The following CCKAR variants were observed in gnomAD, a reference collection of about 807,000 sequenced individuals.
CCKAR encodes cholecystokinin receptor type A.
In CCKAR, 21 loss-of-function variants were observed where a neutral mutation model predicts 29.8. The ratio of observed to expected loss-of-function variants is 0.70; its 90% CI spans 0.50 to 1.01. The LOEUF (loss-of-function observed/expected upper bound fraction) is 1.01. CCKAR is among the 50% of genes least tolerant of loss of function. The pLI is 0.00. For synonymous variants in CCKAR, 238 were observed against 221.3 expected, an observed-to-expected ratio of 1.08 and a Z score of -0.67; for missense variants, 570 against 560.6, an observed-to-expected ratio of 1.02 and a Z score of -0.17.
At chr4:26,488,888 T>C (rs1355272048) in intron 2 of CCKAR, among the ~76,000 whole-genome samples, 3 of 152,180 alleles carry the variant, frequency 2.0e-5, no homozygotes, top group East Asian at 3.9e-4. Flanking sequence ...CAGAAAGGGA[T>C]AGAGCAGCTT....
chr4:26,489,286 A>G lies in CCKAR; in HGVS notation c.311T>C (p.Leu104Pro). Reference sequence around the variant, plus strand: ...GGCGCTCCCGAAGATGAAATCCTTGAGCAGATTGGGGATGAGGTTGAACGG... The same window carrying G: ...GGCGCTCCCGAAGATGAAATCCTTGGGCAGATTGGGGATGAGGTTGAACGG... ...CMPFNLIPNL[L>P]KDFIFGSAVC... is the part of the protein sequence containing the mutation. Residue 104 changes from leucine (L) to proline (P), a missense_variant, in exon 2 of 5, where the codon CTC (leucine) becomes CCC (proline). Physicochemically the swap from Leu to Pro is moderately conservative, Grantham distance 98. Transcript: ENST00000295589. 6.2e-7 allele frequency: 1 copy of G among 1,614,154 alleles called. No homozygotes were observed. Among genetic ancestry groups the G allele is most frequent in the African/African-American group, 1.3e-5 (1 of 75,038 alleles).
Position 26,485,827 on chromosome 4 carries a change from G to A in CCKAR, c.436C>T (p.Pro146Ser). ...SLERYGAICKPLQSRVWQTKS... is the reference protein window; with the variant it reads ...SLERYGAICKSLQSRVWQTKS... ...GTCTGCCAGACCCGGGACTGTAAGGGTTTGCAAATCGCACCATATCTCTCT... is the reference window on the plus strand; with the variant it reads ...GTCTGCCAGACCCGGGACTGTAAGGATTTGCAAATCGCACCATATCTCTCT... The change falls in exon 3 of 5, where the codon CCC becomes TCC. Residue 146 changes from proline to serine, a missense_variant. Physicochemically the swap from Pro to Ser is moderately conservative, Grantham distance 74. Transcript: ENST00000295589. 1 of 1,613,932 alleles carries A rather than the reference G, an allele frequency of 6.2e-7. No homozygotes were observed. The highest frequency in any genetic ancestry group is 8.5e-7 in the Non-Finnish European group (1 of 1,179,908).
intron 3 of CCKAR, among the ~76,000 whole-genome samples, chr4:26,484,963 G>A (rs544411163): frequency 3.3e-5 from 5 of 151,620 alleles, no homozygotes; most frequent in South Asian, 4.2e-4. Context: ...AGGTCGAGGC[G>A]GGTGGATAAC....
At position 26,489,232 on chromosome 4, in the gene CCKAR, C is replaced by G; in HGVS notation, c.364+1G>C. The G allele has an allele frequency of 6.2e-7, 1 of 1,613,930 alleles. No homozygotes were observed. Among genetic ancestry groups the G allele is most frequent in the Non-Finnish European group, 8.5e-7 (1 of 1,179,888 alleles). On this transcript the variant is annotated splice_donor_variant, in intron 2 of 4. Coordinates refer to ENST00000295589, the MANE Select transcript of CCKAR (RefSeq NM_000730.3). LOFTEE classifies it high-confidence loss of function. Reference sequence around the variant, plus strand: ...AGAAAGAGTCACCAGCAGCAACTTACCCATGAAGTAGGTGGTGGTCTTGCA... The same window carrying G: ...AGAAAGAGTCACCAGCAGCAACTTAGCCATGAAGTAGGTGGTGGTCTTGCA...
At chr4:26,488,065 G>T (rs1181023850) in intron 2 of CCKAR, among the ~76,000 whole-genome samples, 1 of 152,002 alleles carries the variant, frequency 6.6e-6, no homozygotes, top group Non-Finnish European at 1.5e-5. Flanking sequence ...AGGCTTTCTG[G>T]TCATTGAAGA....
In CCKAR at chr4:26,485,890, C is replaced by A; in HGVS notation, c.373G>T (p.Val125Leu). 6.2e-7 allele frequency: 1 copy of A among 1,612,192 alleles called. No homozygotes were observed. Among genetic ancestry groups the A allele is most frequent in the Non-Finnish European group, 8.5e-7 (1 of 1,178,632 alleles). The part of the protein sequence containing the change: ...KTTTYFMGTS[V>L]SVSTFNLVAI... ...ACCAGATTAAAGGTAGATACACTCA[C>A]AGAGGTGCCTGGGAAAGGAACAAAG... The change falls in exon 3 of 5, where the codon GTG becomes TTG. Residue 125 changes from valine (V) to leucine (L), a missense_variant. Physicochemically the swap from Val to Leu is conservative, Grantham distance 32. Coordinates refer to ENST00000295589, the MANE Select transcript of CCKAR (RefSeq NM_000730.3).
At chr4:26,482,916 G>T (rs1466113254) in intron 4 of CCKAR, among the ~76,000 whole-genome samples, 1 of 152,114 alleles carries the variant, frequency 6.6e-6, no homozygotes, top group Non-Finnish European at 1.5e-5. Context: ...CTTGTTATTG[G>T]GTTATATGTG....
At position 26,489,366 on chromosome 4, in the gene CCKAR, GT is replaced by G; in HGVS notation, c.230del (p.Asn77ThrfsTer49). 1 of 1,614,192 alleles carries G rather than the reference GT, an allele frequency of 6.2e-7. No individual in the cohort carries two copies. Among genetic ancestry groups the G allele is most frequent in the Non-Finnish European group, 8.5e-7 (1 of 1,180,040 alleles). On this transcript the variant is annotated frameshift_variant, in exon 2 of 5. Coordinates refer to ENST00000295589, the MANE Select transcript of CCKAR (RefSeq NM_000730.3). LOFTEE classifies it high-confidence loss of function. ...IRNKRMRTVT[N>X]IFLLSLAVSD... ...TGACAGCCAGGGAGAGGAGGAAGAT[GT>G]TGGTGACCGTCCGCATCCGCTTGTT...
At chr4:26,483,040 A>T (rs528887342) in intron 4 of CCKAR, 116 bp downstream of exon 4, 1 of 1,002,950 alleles carries the variant, frequency 1.0e-6, no homozygotes, top group African/African-American at 1.6e-5. Context: ...ATCTCATAAG[A>T]ATACTTAAAA....
chr4:26,490,200 T>C lies in CCKAR; in HGVS notation c.68A>G (p.Glu23Gly), dbSNP rs770111352. ...ATCCAAGCAGAAAAGCGTCTCATTT[T>C]CGAGCCCGAGTTCACAGGGAGGAGT... ...NITPPCELGL[E>G]NETLFCLDQP... Residue 23 changes from glutamate to glycine, a missense_variant, in exon 1 of 5, where the codon GAA (glutamate) becomes GGA (glycine). Physicochemically the swap from Glu to Gly is moderately conservative, Grantham distance 98 (BLOSUM62 -2). Coordinates refer to ENST00000295589, the MANE Select transcript of CCKAR (RefSeq NM_000730.3). 20 of 1,613,822 alleles carry C rather than the reference T, an allele frequency of 1.2e-5. No individual in the cohort carries two copies. The highest frequency in any genetic ancestry group is 1.5e-5 in the Non-Finnish European group (18 of 1,179,946).
At chr4:26,482,410 C>T (rs1013498235) in intron 4 of CCKAR, among the ~76,000 whole-genome samples, 4 of 152,092 alleles carry the variant, frequency 2.6e-5, no homozygotes, top group Non-Finnish European at 5.9e-5. Flanking sequence ...ATGTAGGTTA[C>T]AAGAAAAAAA....
chr4:26,490,179 A>G lies in CCKAR; in HGVS notation c.89T>C (p.Leu30Ser). 6.2e-7 allele frequency: 1 copy of G among 1,612,826 alleles called. No homozygotes were observed. The highest frequency in any genetic ancestry group is 8.5e-7 in the Non-Finnish European group (1 of 1,179,096). The change falls in exon 1 of 5, where the codon TTG becomes TCG. Residue 30 changes from leucine to serine, a missense_variant. Leu to Ser is a moderately radical substitution (Grantham distance 145). Coordinates refer to ENST00000295589, the MANE Select transcript of CCKAR (RefSeq NM_000730.3). ...LGLENETLFC[L>S]DQPRPSKEWQ... Reference sequence around the variant, plus strand: ...ACCTTTGGAAGGACGGGGCTGATCCAAGCAGAAAAGCGTCTCATTTTCGAG... The same window carrying G: ...ACCTTTGGAAGGACGGGGCTGATCCGAGCAGAAAAGCGTCTCATTTTCGAG...
rs774746477 is a variant in CCKAR at position 26,489,417 on chromosome 4, C to T, written c.180G>A (p.Thr60=). 10 of 1,614,032 alleles carry T rather than the reference C, an allele frequency of 6.2e-6. No homozygotes were observed. The South Asian group carries it at 6.6e-5, about 11-fold the overall frequency. The change falls in exon 2 of 5, where the codon ACG becomes ACA. Residue 60 remains threonine, a synonymous_variant. Coordinates refer to ENST00000295589, the MANE Select transcript of CCKAR (RefSeq NM_000730.3). ...LIFLLSVLGN[T]LVITVLIRNK... ...TCCGAATCAGCACGGTGATGACCAGCGTGTTTCCCAGCACGCTGAGCAGGA... is the reference window on the plus strand; with the variant it reads ...TCCGAATCAGCACGGTGATGACCAGTGTGTTTCCCAGCACGCTGAGCAGGA...
intron 2 of CCKAR, among the ~76,000 whole-genome samples, chr4:26,488,429 A>C (rs1737489746): frequency 6.6e-6 from 1 of 152,212 alleles, no homozygotes; most frequent in Non-Finnish European, 1.5e-5. Flanking sequence ...CATTTACTTC[A>C]TAGAGTGGTT....
At chr4:26,483,083 T>C (rs1737383598) in intron 4 of CCKAR, 73 bp downstream of exon 4, 1 of 1,479,056 alleles carries the variant, frequency 6.8e-7, no homozygotes, top group Non-Finnish European at 9.3e-7. Context: ...ACACTCTGGG[T>C]ATATCTATTT....
At chr4:26,487,884 A>T (rs1737479175) in intron 2 of CCKAR, among the ~76,000 whole-genome samples, 1 of 150,664 alleles carries the variant, frequency 6.6e-6, no homozygotes, top group African/African-American at 2.4e-5. Flanking sequence ...TTGCTTCATT[A>T]TTTAACAACG....
Position 26,490,173 on chromosome 4 carries a change from T to C in CCKAR, c.95A>G (p.Gln32Arg), listed in dbSNP as rs758910995. 2 of 1,611,648 alleles carry C rather than the reference T, an allele frequency of 1.2e-6. No individual in the cohort carries two copies. Among genetic ancestry groups the C allele is most frequent in the African/African-American group, 2.7e-5 (2 of 74,748 alleles). Residue 32 changes from glutamine (Q) to arginine (R), a missense_variant, in exon 1 of 5, where the codon CAG becomes CGG. By Grantham distance (43) the Gln-to-Arg change is conservative. Transcript: ENST00000295589. ...ACACTTACCTTTGGAAGGACGGGGCTGATCCAAGCAGAAAAGCGTCTCATT... is the reference window on the plus strand; with the variant it reads ...ACACTTACCTTTGGAAGGACGGGGCCGATCCAAGCAGAAAAGCGTCTCATT... ...LENETLFCLD[Q>R]PRPSKEWQPA...
intron 3 of CCKAR, among the ~76,000 whole-genome samples, chr4:26,483,518 G>A (rs1737392377): frequency 1.3e-5 from 2 of 152,078 alleles, no homozygotes; most frequent in Admixed American, 6.5e-5. Context: ...GGAAAAGTTT[G>A]GCGTAATTCT....
intron 1 of CCKAR, among the ~76,000 whole-genome samples, chr4:26,489,788 T>C (rs1737521860): frequency 6.6e-6 from 1 of 152,214 alleles, no homozygotes; most frequent in Non-Finnish European, 1.5e-5. Flanking sequence ...TATTTCACTT[T>C]AATCACTTCA....
Sources: gnomAD v4.1 joint callset for allele counts (sites outside exome capture counted in the v4.1 genomes callset) on GRCh38, gnomAD v4.1.1 for gene constraint, MANE v1.5 for transcripts, NCBI Gene and HGNC (gene_info 2026-07-23, HGNC 2026-07-21) for gene names.